The following JAZF1 variants were observed in gnomAD, a reference collection of about 807,000 sequenced individuals.
JAZF1 encodes the protein JAZF zinc finger 1, also known as juxtaposed with another zinc finger protein 1.
Under a neutral mutation model 26.4 loss-of-function variants are expected in JAZF1, and 8 were observed. The observed-to-expected ratio is 0.30, with a 90% CI of 0.18 to 0.55. JAZF1 has a LOEUF of 0.55. JAZF1 is among the 20% of genes least tolerant of loss of function. The pLI is 0.94. For synonymous variants in JAZF1, 126 were observed against 122.3 expected (o/e 1.03, Z -0.20); for missense variants, 199 against 322.0 (o/e 0.62, Z 2.92).
intron 3 of JAZF1, among the ~76,000 whole-genome samples, chr7:27,847,470 T>C (rs1269344790): frequency 2.0e-5 from 3 of 152,160 alleles, no homozygotes; most frequent in Admixed American, 6.5e-5. Flanking sequence ...TGGTATAAGA[T>C]AAGGGACCAA....
At chr7:27,950,200 A>G (rs1190516101) in intron 2 of JAZF1, among the ~76,000 whole-genome samples, 1 of 152,254 alleles carries the variant, frequency 6.6e-6, no homozygotes, top group East Asian at 1.9e-4. Flanking sequence ...TAAGTAATAT[A>G]GAAGTGGTTA....
At chr7:27,936,560 C>G (rs1377894985) in intron 2 of JAZF1, among the ~76,000 whole-genome samples, 2 of 152,206 alleles carry the variant, frequency 1.3e-5, no homozygotes, top group Non-Finnish European at 2.9e-5. Flanking sequence ...CTAAGGTAAG[C>G]TCAGCACACA....
intron 1 of JAZF1, among the ~76,000 whole-genome samples, chr7:28,088,371 T>C (rs1784241411): frequency 6.6e-6 from 1 of 152,242 alleles, no homozygotes; most frequent in African/African-American, 2.4e-5. Context: ...TCCCTGTGCC[T>C]TATAAGGAAA....
rs948523027 is a variant in JAZF1, at chr7:27,945,845, A to C, written c.188+46064T>G. ...ATATTGACAACCATGGCTGCCTTCT[A>C]AAATCTCCCAGGTGAAGTCTTCATC... is the stretch of plus-strand genomic sequence containing the variant. On this transcript the variant is annotated intron_variant, in intron 2 of 4. Coordinates refer to ENST00000283928, the MANE Select transcript of JAZF1 (RefSeq NM_175061.4). Among the ~76,000 whole-genome samples, 8 of 152,328 alleles carry C rather than the reference A, an allele frequency of 5.3e-5. No homozygotes were observed. In the South Asian group the frequency reaches 1.5e-3, roughly 28 times the overall value.
intron 1 of JAZF1, among the ~76,000 whole-genome samples, chr7:28,091,610 T>C (rs1175345663): frequency 2.2e-5 from 3 of 133,968 alleles, no homozygotes; most frequent in Non-Finnish European, 4.5e-5. Context: ...ACATATATAT[T>C]ATATATATAT....
At chr7:27,928,414 T>C (rs1221877058) in intron 2 of JAZF1, among the ~76,000 whole-genome samples, 1 of 152,240 alleles carries the variant, frequency 6.6e-6, no homozygotes, top group Admixed American at 6.5e-5. Context: ...GGAAAGCCAA[T>C]TGCAGGCAAG....
intron 1 of JAZF1, among the ~76,000 whole-genome samples, chr7:28,120,134 T>C (rs1157857978): frequency 6.6e-6 from 1 of 151,854 alleles, no homozygotes; most frequent in East Asian, 1.9e-4. Flanking sequence ...ACAGCACTTA[T>C]CTTATCTTGT....
intron 2 of JAZF1, among the ~76,000 whole-genome samples, chr7:27,979,405 T>TTTTTTCC (rs1368873651): frequency 1.2e-5 from 1 of 84,190 alleles, no homozygotes; most frequent in East Asian, 4.1e-4. Flanking sequence ...TTTTTTTTTT[T>TTTTTTCC]AGAAACAGAG....
intron 1 of JAZF1, among the ~76,000 whole-genome samples, chr7:28,106,285 T>G (rs532919744): frequency 2.0e-5 from 3 of 152,302 alleles, no homozygotes; most frequent in East Asian, 3.9e-4. Flanking sequence ...AACTCCACAT[T>G]GGGGTTGATA....
Position 27,924,012 on chromosome 7 carries a change from T to C in JAZF1, c.189-28596A>G, listed in dbSNP as rs200109558. Among the ~76,000 whole-genome samples the C allele has an allele frequency of 2.9e-4, 44 of 152,290 alleles. No homozygotes were observed. In the East Asian group the frequency reaches 7.9e-3, roughly 27 times the overall value. ...ACAAGAAATGCCACCTTTACTGTAT[T>C]CTTGTGGGATGGGGACGGGGACTGA... On this transcript the variant is annotated intron_variant, in intron 2 of 4. Transcript: ENST00000283928.
intron 1 of JAZF1, among the ~76,000 whole-genome samples, chr7:28,087,183 T>A (rs1784224740): frequency 6.6e-6 from 1 of 152,190 alleles, no homozygotes; most frequent in Non-Finnish European, 1.5e-5. Flanking sequence ...ATGTAACAGC[T>A]GCTAATCCAA....
chr7:27,985,564 A>G (rs1785682250), intron 2 of JAZF1, among the ~76,000 whole-genome samples: 1 of 152,224 alleles, frequency 6.6e-6, no homozygotes, highest in African/African-American at 2.4e-5. Context: ...AACTATTCCA[A>G]TCAATAGAAA....
At chr7:28,168,342 T>C (rs536424157) in intron 1 of JAZF1, among the ~76,000 whole-genome samples, 1 of 136,266 alleles carries the variant, frequency 7.3e-6, no homozygotes, top group South Asian at 2.2e-4. Context: ...CGACGCGCCA[T>C]TGCACCCCAG....
rs766912333 is a variant in JAZF1 at position 27,840,793 on chromosome 7, T to C, written c.460A>G (p.Ile154Val). 9 of 1,614,086 alleles carry C rather than the reference T, an allele frequency of 5.6e-6. No homozygotes were observed. Among genetic ancestry groups the C allele is most frequent in the Non-Finnish European group, 6.8e-6 (8 of 1,180,034 alleles). The stretch of plus-strand genomic sequence containing the variant: ...GAGCTGAGGATGGCTTCGGAGCTGA[T>C]GGCACTCTCTGTGGTCCAGGACTCA... ...SDESWTTESA[I>V]SSEAILSSMC... is the part of the protein sequence containing the mutation. The change falls in exon 4 of 5, where the codon ATC (isoleucine) becomes GTC (valine). Residue 154 changes from isoleucine (I) to valine (V), a missense_variant. This residue lies in a region of JAZF1 where 62 missense variants were observed against 137.2 expected (regional missense o/e 0.45). Transcript: ENST00000283928. The surrounding 1 kb of genome is among the most constrained non-coding windows in gnomAD (Gnocchi z 5.1).
At chr7:27,903,339 G>A (rs12535525) in intron 2 of JAZF1, among the ~76,000 whole-genome samples, 65,551 of 151,890 alleles carry the variant, frequency 0.43, 15,465 homozygotes, top group South Asian at 0.52. Context: ...GACTACAGGC[G>A]TTCACCACCA....
intron 2 of JAZF1, among the ~76,000 whole-genome samples, chr7:27,989,155 C>A (rs1297980059): frequency 2.0e-5 from 3 of 152,118 alleles, no homozygotes; most frequent in Non-Finnish European, 4.4e-5. Context: ...ACCATCTGAT[C>A]TTTGACAAAC....
At chr7:27,988,295 A>C (rs561745803) in intron 2 of JAZF1, among the ~76,000 whole-genome samples, 35 of 152,070 alleles carry the variant, frequency 2.3e-4, no homozygotes, top group Middle Eastern at 3.2e-3. Flanking sequence ...ATTTTTTAGC[A>C]TAAGTAAGGC....
chr7:27,886,288 A>AC (rs1783861433), intron 3 of JAZF1, among the ~76,000 whole-genome samples: 2 of 152,186 alleles, frequency 1.3e-5, no homozygotes, highest in Non-Finnish European at 2.9e-5. Context: ...TTGGATCGAG[A>AC]CCCCTTTGGT....
chr7:27,849,772 C>CAT (rs1554329083), intron 3 of JAZF1, among the ~76,000 whole-genome samples: 3 of 147,014 alleles, frequency 2.0e-5, no homozygotes, highest in Non-Finnish European at 4.5e-5. Flanking sequence ...CACACACACA[C>CAT]ACCCCTACAC....
Sources: allele counts gnomAD v4.1 joint callset (sites outside exome capture counted in the v4.1 genomes callset), GRCh38; gene constraint gnomAD v4.1.1; regional missense constraint gnomAD v4.1.1; non-coding constraint Gnocchi (gnomAD v3.1); transcripts MANE v1.5; gene names NCBI Gene and HGNC (gene_info 2026-07-23, HGNC 2026-07-21).